The following IGFBP5 variants were observed in gnomAD, a reference collection of about 807,000 sequenced individuals.
IGFBP5 encodes insulin like growth factor binding protein 5.
In IGFBP5, 12 loss-of-function variants were observed where a neutral mutation model predicts 28.0. The ratio of observed to expected loss-of-function variants is 0.43; its 90% confidence interval spans 0.27 to 0.69. The LOEUF is 0.69. Among genes scored for constraint, IGFBP5 ranks in the 30% least tolerant of loss-of-function variants. IGFBP5 has a pLI of 0.20. For synonymous variants in IGFBP5, 152 were observed against 150.2 expected, an observed-to-expected ratio of 1.01 and a Z score of -0.09; for missense variants, 344 against 381.6, an observed-to-expected ratio of 0.90 and a Z score of 0.82.
rs11575176 is a variant in IGFBP5, at chr2:216,681,986, C to T, written c.338-2907G>A. Among the ~76,000 whole-genome samples, 384 of 152,216 alleles carry T rather than the reference C, an allele frequency of 2.5e-3. 3 individuals carry two copies. The highest frequency in any genetic ancestry group is 8.9e-3 in the African/African-American group (369 of 41,522). Reference sequence around the variant, plus strand: ...AAGTGTTCAAGTACTGCCCCGGGGCCAAGCAACCATGATACTGGCATACAA... The same window carrying T: ...AAGTGTTCAAGTACTGCCCCGGGGCTAAGCAACCATGATACTGGCATACAA... On this transcript the variant is annotated intron_variant, in intron 1 of 3. Coordinates refer to ENST00000233813, the MANE Select transcript of IGFBP5 (RefSeq NM_000599.4).
chr2:216,686,828 A>C (rs1388785817), intron 1 of IGFBP5, among the ~76,000 whole-genome samples: 1 of 151,904 alleles, frequency 6.6e-6, no homozygotes, highest in East Asian at 2.0e-4. Context: ...CACCACGCCC[A>C]GGATGGTCTT....
At chr2:216,693,619 G>A (rs1478854321) in intron 1 of IGFBP5, among the ~76,000 whole-genome samples, 2 of 152,044 alleles carry the variant, frequency 1.3e-5, no homozygotes, top group Non-Finnish European at 1.5e-5. Context: ...GGGGGAAAAG[G>A]AATTAGATTC....
rs1410991866 is a variant in IGFBP5 at position 216,676,834 on chromosome 2, T to C, written c.736A>G (p.Lys246Glu). ...ATGCCTGGCAGCTTCATCCCGTACT[T>C]GTCCACGCACCAGCAGATGCCACGT... ...RKRGICWCVD[K>E]YGMKLPGMEY... The change falls in exon 4 of 4, where the codon AAG becomes GAG. Residue 246 changes from lysine (K) to glutamate (E), a missense_variant. By Grantham distance (56) the Lys-to-Glu change is moderately conservative (BLOSUM62 1). Coordinates refer to ENST00000233813, the MANE Select transcript of IGFBP5 (RefSeq NM_000599.4). 2 of 1,613,972 alleles carry C rather than the reference T, an allele frequency of 1.2e-6. No individual in the cohort carries two copies. The highest frequency in any genetic ancestry group is 1.7e-6 in the Non-Finnish European group (2 of 1,179,902).
Position 216,692,431 on chromosome 2 carries a change from T to A in IGFBP5, c.337+2008A>T, listed in dbSNP as rs1043982833. On this transcript the variant is annotated intron_variant, in intron 1 of 3. Coordinates refer to ENST00000233813, the MANE Select transcript of IGFBP5 (RefSeq NM_000599.4). This position sits in a 1 kb window ranked among gnomAD's most constrained non-coding sequence, Gnocchi z 4.2. ...GCGCCCTCCGTGCTCGCCTAGCAAT[T>A]GCGCGCGCGTGCGCTCTGCGTGTAC... 1.3e-5 allele frequency among the ~76,000 whole-genome samples: 2 copies of A among 149,030 alleles called. No individual in the cohort carries two copies. Among genetic ancestry groups the A allele is most frequent in the Non-Finnish European group, 3.0e-5 (2 of 67,128 alleles).
chr2:216,689,135 G>A (rs143067353), intron 1 of IGFBP5, among the ~76,000 whole-genome samples: 1 of 152,292 alleles, frequency 6.6e-6, no homozygotes, highest in Non-Finnish European at 1.5e-5. Flanking sequence ...TCTGCTTTCT[G>A]TTGGCACCAC....
rs573073769 is a variant in IGFBP5, at chr2:216,695,470, G to A, written c.-695C>T. 2.0e-5 allele frequency: 3 copies of A among 152,336 alleles called. No individual in the cohort carries two copies. Among genetic ancestry groups the A allele is most frequent in the African/African-American group, 7.2e-5 (3 of 41,580 alleles). 9.4% of individuals were successfully genotyped at this position (152,336 alleles called of 1,614,324 possible). The stretch of plus-strand genomic sequence containing the variant: ...AACGGAGGAGGGGTAATGAAAAGGA[G>A]CAAAAAAGGGAAAAAGCCCACACTG... On this transcript the variant is annotated 5_prime_UTR_variant, in exon 1 of 4. Coordinates refer to ENST00000233813, the MANE Select transcript of IGFBP5 (RefSeq NM_000599.4).
intron 1 of IGFBP5, among the ~76,000 whole-genome samples, chr2:216,682,538 A>G (rs1444861700): frequency 6.6e-6 from 1 of 152,112 alleles, no homozygotes; most frequent in Non-Finnish European, 1.5e-5. Context: ...TAGGCAGGAT[A>G]CCCGGGAGGA....
chr2:216,676,539 T>A lies in IGFBP5; in HGVS notation c.*212A>T. The A allele has an allele frequency of 3.5e-6, 1 of 288,292 alleles. No individual in the cohort carries two copies. The highest frequency in any genetic ancestry group is 6.2e-5 in the South Asian group (1 of 16,144). The allele number at this position is 288,292 out of a possible 1,614,324, so 17.9% of individuals were successfully genotyped here. On this transcript the variant is annotated 3_prime_UTR_variant, in exon 4 of 4. Coordinates refer to ENST00000233813, the MANE Select transcript of IGFBP5 (RefSeq NM_000599.4). Reference sequence around the variant, plus strand: ...AAGAAAACCATTTAAAGGGGGGGGGTGTCTTTTTAGCTTTTTGCATCTCTG... The same window carrying A: ...AAGAAAACCATTTAAAGGGGGGGGGAGTCTTTTTAGCTTTTTGCATCTCTG...
chr2:216,681,788 T>G (rs558081575), intron 1 of IGFBP5, among the ~76,000 whole-genome samples: 37 of 152,306 alleles, frequency 2.4e-4, no homozygotes, highest in African/African-American at 8.9e-4. Context: ...GCCCACAGCC[T>G]TCCCTCAACA....
intron 1 of IGFBP5, among the ~76,000 whole-genome samples, chr2:216,691,455 C>G (rs79539525): frequency 6.6e-6 from 1 of 152,222 alleles, no homozygotes; most frequent in African/African-American, 2.4e-5. Context: ...CCTCCACTCA[C>G]CGCTATTTAC....
At chr2:216,693,901 G>A (rs1689133347) in intron 1 of IGFBP5, among the ~76,000 whole-genome samples, 1 of 152,044 alleles carries the variant, frequency 6.6e-6, no homozygotes, top group Non-Finnish European at 1.5e-5. Context: ...TAGGGGTGGA[G>A]GGATAGAAAC....
At chr2:216,678,398 G>C (rs565483575) in intron 2 of IGFBP5, among the ~76,000 whole-genome samples, 167 bp from the exon 3 acceptor site, 1 of 152,176 alleles carries the variant, frequency 6.6e-6, no homozygotes, top group South Asian at 2.1e-4. Flanking sequence ...CACCTGTCAC[G>C]TGCGCTGGGA....
chr2:216,686,527 G>T (rs1574581215), intron 1 of IGFBP5, among the ~76,000 whole-genome samples: 1 of 152,180 alleles, frequency 6.6e-6, no homozygotes, highest in Admixed American at 6.5e-5. Context: ...TGAGAAGGGA[G>T]GATGGCTTGA....
In IGFBP5 at chr2:216,694,699, T is replaced by G. The variant is rs771512778; in HGVS notation, c.77A>C (p.His26Pro). The G allele has an allele frequency of 2.4e-5, 36 of 1,502,648 alleles. No homozygotes were observed. The highest frequency in any genetic ancestry group is 1.8e-5 in the Non-Finnish European group (20 of 1,129,940). The allele number at this position is 1,502,648 out of a possible 1,614,324, so 93.1% of individuals were successfully genotyped here. A position where few individuals can be genotyped will look rare whatever the true frequency, so the allele number is the denominator to read the frequency against. ...GGCTTTCTCGTCGCAGGGCTCGCAG[T>G]GCACGAAGGAGCCCAGGCTCTGGGC... ...GPAQSLGSFV[H>P]CEPCDEKALS... The change falls in exon 1 of 4, where the codon CAC becomes CCC. Residue 26 changes from histidine (H) to proline (P), a missense_variant. His to Pro is a moderately conservative substitution (Grantham distance 77). Around this residue, in one of 3 missense-constraint regions of IGFBP5, gnomAD observed 304 missense variants for 329.2 expected, o/e 0.92. Coordinates refer to ENST00000233813, the MANE Select transcript of IGFBP5 (RefSeq NM_000599.4). This position sits in a 1 kb window ranked among gnomAD's most constrained non-coding sequence, Gnocchi z 5.2.
Position 216,673,611 on chromosome 2 carries a change from C to T in IGFBP5, c.*3140G>A, listed in dbSNP as rs1446492068. 2 of 152,402 alleles carry T rather than the reference C, an allele frequency of 1.3e-5. No individual in the cohort carries two copies. Among genetic ancestry groups the T allele is most frequent in the Admixed American group, 6.5e-5 (1 of 15,282 alleles). The allele number at this position is 152,402 out of a possible 1,614,324, so 9.4% of individuals were successfully genotyped here. A position where few individuals can be genotyped will look rare whatever the true frequency, so the allele number is the denominator to read the frequency against. On this transcript the variant is annotated 3_prime_UTR_variant, in exon 4 of 4. Coordinates refer to ENST00000233813, the MANE Select transcript of IGFBP5 (RefSeq NM_000599.4). This position sits in a 1 kb window ranked among gnomAD's most constrained non-coding sequence, Gnocchi z 4.3. Reference sequence around the variant, plus strand: ...CATGGGAGTGGGCAGCACTTAGATTCGGAGCCATGGATAGTCCGGAGTCCA... The same window carrying T: ...CATGGGAGTGGGCAGCACTTAGATTTGGAGCCATGGATAGTCCGGAGTCCA...
At chr2:216,683,706 G>T (rs879920651) in intron 1 of IGFBP5, among the ~76,000 whole-genome samples, 8 of 152,336 alleles carry the variant, frequency 5.3e-5, no homozygotes, top group Middle Eastern at 3.4e-3. Context: ...AATGTGGAAT[G>T]CTCAGCATCC....
At chr2:216,687,819 C>A (rs959303960) in intron 1 of IGFBP5, among the ~76,000 whole-genome samples, 1 of 152,182 alleles carries the variant, frequency 6.6e-6, no homozygotes, top group African/African-American at 2.4e-5. Flanking sequence ...CAGCCACATC[C>A]CCCCAAAGTT....
chr2:216,690,161 G>GAAT (rs1689077758), intron 1 of IGFBP5, among the ~76,000 whole-genome samples: 2 of 152,110 alleles, frequency 1.3e-5, no homozygotes, highest in African/African-American at 4.8e-5. Context: ...TTACTGTTTT[G>GAAT]AATAACATGT....
chr2:216,683,406 C>T (rs1689002235), intron 1 of IGFBP5, among the ~76,000 whole-genome samples: 1 of 152,156 alleles, frequency 6.6e-6, no homozygotes, highest in African/African-American at 2.4e-5. Flanking sequence ...ATTTGGGTGC[C>T]TCCCTCTCCT....
Sources: gnomAD v4.1 joint callset for allele counts (sites outside exome capture counted in the v4.1 genomes callset) on GRCh38, gnomAD v4.1.1 for gene constraint, gnomAD v4.1.1 regional missense constraint, Gnocchi (gnomAD v3.1) non-coding constraint, MANE v1.5 for transcripts, NCBI Gene and HGNC (gene_info 2026-07-23, HGNC 2026-07-21) for gene names.